CPEB3: variants seen among roughly 807,000 people sequenced by gnomAD.
CPEB3 encodes cytoplasmic polyadenylation element binding protein 3, also known as cytoplasmic polyadenylation element-binding protein 3.
CPEB3 carries 20 observed loss-of-function variants against 67.2 expected under a neutral mutation model. The observed-to-expected ratio is 0.30, with a 90% CI of 0.21 to 0.43. The LOEUF (loss-of-function observed/expected upper bound fraction) is 0.43. Ranked by LOEUF, CPEB3 falls within the 20% of genes least tolerant of loss-of-function variation. CPEB3 has a pLI of 1.00. For missense variants in CPEB3, 746 were observed against 968.6 expected, an observed-to-expected ratio of 0.77 and a Z score of 3.05; for synonymous variants, 376 against 393.1, an observed-to-expected ratio of 0.96 and a Z score of 0.51.
chr10:92,064,090 G>A (rs1590058933), intron 9 of CPEB3, among the ~76,000 whole-genome samples: 2 of 152,162 alleles, frequency 1.3e-5, no homozygotes, highest in East Asian at 3.9e-4. Flanking sequence ...CAAAGAATCA[G>A]GAATATGAAG....
At chr10:92,168,767 T>A (rs1006779125) in intron 4 of CPEB3, among the ~76,000 whole-genome samples, 2 of 151,484 alleles carry the variant, frequency 1.3e-5, no homozygotes, top group Non-Finnish European at 2.9e-5. Flanking sequence ...CATGCAGAGC[T>A]GTGAGTCAAT....
intron 1 of CPEB3, among the ~76,000 whole-genome samples, chr10:92,259,813 T>C (rs947648215): frequency 6.6e-6 from 1 of 152,176 alleles, no homozygotes; most frequent in Non-Finnish European, 1.5e-5. Context: ...AACGTTTATG[T>C]GGCAAATACT....
intron 8 of CPEB3, among the ~76,000 whole-genome samples, chr10:92,085,677 C>T (rs1477165917): frequency 6.6e-6 from 1 of 152,126 alleles, no homozygotes; most frequent in African/African-American, 2.4e-5. Context: ...GACACGATCT[C>T]GGCTCACTGC....
At chr10:92,223,544 T>TCCAGGTGA (rs1269763644) in intron 2 of CPEB3, among the ~76,000 whole-genome samples, 1 of 149,844 alleles carries the variant, frequency 6.7e-6, no homozygotes, top group East Asian at 2.0e-4. Context: ...ACCAAGTCCT[T>TCCAGGTGA]CCAGGTGAGC....
chr10:92,286,138 T>C (rs1345510544), intron 1 of CPEB3, among the ~76,000 whole-genome samples: 2 of 152,128 alleles, frequency 1.3e-5, no homozygotes, highest in South Asian at 2.1e-4. Context: ...GGTTTCACTG[T>C]GTTAGCCAGG....
chr10:92,266,059 T>C (rs1011562653), intron 1 of CPEB3, among the ~76,000 whole-genome samples: 1 of 152,288 alleles, frequency 6.6e-6, no homozygotes, highest in South Asian at 2.1e-4. Flanking sequence ...CGACATGTGA[T>C]GCCCTACACA....
At chr10:92,195,761 C>G (rs558712111) in intron 2 of CPEB3, among the ~76,000 whole-genome samples, 1 of 152,200 alleles carries the variant, frequency 6.6e-6, no homozygotes, top group South Asian at 2.1e-4. Context: ...TTGATAATCC[C>G]TCAAGGTAGA....
chr10:92,081,931 T>C (rs1843167896), intron 8 of CPEB3, among the ~76,000 whole-genome samples: 1 of 152,234 alleles, frequency 6.6e-6, no homozygotes, highest in African/African-American at 2.4e-5. Context: ...CACACTACTA[T>C]ATTAGGACTA....
At chr10:92,232,776 C>T (rs1233678436) in intron 2 of CPEB3, among the ~76,000 whole-genome samples, 1 of 148,340 alleles carries the variant, frequency 6.7e-6, no homozygotes, top group African/African-American at 2.5e-5. Flanking sequence ...AAAAAAAATA[C>T]ATCAAATTGG....
intron 2 of CPEB3, among the ~76,000 whole-genome samples, chr10:92,197,489 A>G (rs1194846430): frequency 2.6e-5 from 4 of 152,216 alleles, no homozygotes; most frequent in African/African-American, 9.6e-5. Flanking sequence ...ACCTTTTTTT[A>G]TAAGTTTTGT....
At chr10:92,153,662 T>G (rs1847070113) in intron 4 of CPEB3, among the ~76,000 whole-genome samples, 1 of 152,146 alleles carries the variant, frequency 6.6e-6, no homozygotes, top group Non-Finnish European at 1.5e-5. Flanking sequence ...GTGCCTGTAA[T>G]CCCAGCTACT....
chr10:92,231,369 T>C (rs1851260239), intron 2 of CPEB3, among the ~76,000 whole-genome samples: 1 of 152,222 alleles, frequency 6.6e-6, no homozygotes, highest in Non-Finnish European at 1.5e-5. Context: ...TTACAGAAGT[T>C]AGGCAAACAT....
intron 6 of CPEB3, among the ~76,000 whole-genome samples, chr10:92,125,113 C>T (rs1845553702): frequency 6.6e-6 from 1 of 152,226 alleles, no homozygotes; most frequent in African/African-American, 2.4e-5. Flanking sequence ...TATAGAATCA[C>T]CAGCAGAAAT....
chr10:92,210,944 G>C (rs1046595823), intron 2 of CPEB3, among the ~76,000 whole-genome samples: 1 of 152,224 alleles, frequency 6.6e-6, no homozygotes, highest in South Asian at 2.1e-4. Flanking sequence ...GCTGAGGCAG[G>C]AGAATCGCTT....
At position 92,061,373 on chromosome 10, in the gene CPEB3, C is replaced by G. The variant is rs375726979; in HGVS notation, c.1870-8934G>C. On this transcript the variant is annotated intron_variant, in intron 9 of 9. Transcript: ENST00000265997. ...GGTGGAGGTTGCAGTGAGCCAAGATCGCGCCACTGCACTCCAGCCTGGGTG... is the reference window on the plus strand; with the variant it reads ...GGTGGAGGTTGCAGTGAGCCAAGATGGCGCCACTGCACTCCAGCCTGGGTG... Among the ~76,000 whole-genome samples the G allele has an allele frequency of 2.7e-5, 4 of 146,536 alleles. No individual in the cohort carries two copies. The East Asian group carries it at 6.2e-4, about 23-fold the overall frequency.
At chr10:92,095,139 C>T (rs558009038) in intron 7 of CPEB3, among the ~76,000 whole-genome samples, 31 of 152,256 alleles carry the variant, frequency 2.0e-4, no homozygotes, top group African/African-American at 7.5e-4. Context: ...TCATTACTGC[C>T]TACTGCCTTT....
chr10:92,176,422 TAA>T (rs1357987003), intron 4 of CPEB3, among the ~76,000 whole-genome samples: 4 of 152,244 alleles, frequency 2.6e-5, no homozygotes, highest in Non-Finnish European at 4.4e-5. Context: ...ATATAGCTTG[TAA>T]AGAGGGAATG....
chr10:92,201,667 T>C (rs1225956684), intron 2 of CPEB3, among the ~76,000 whole-genome samples: 2 of 152,222 alleles, frequency 1.3e-5, no homozygotes, highest in African/African-American at 4.8e-5. Flanking sequence ...CAGCAGAATA[T>C]TATCTCAAGA....
intron 7 of CPEB3, among the ~76,000 whole-genome samples, chr10:92,098,488 T>C (rs1329566109): frequency 6.6e-6 from 1 of 152,028 alleles, no homozygotes; most frequent in Non-Finnish European, 1.5e-5. Flanking sequence ...TTTGTATTTT[T>C]AGTAGAGACG....
Sources: allele counts gnomAD v4.1 joint callset (sites outside exome capture counted in the v4.1 genomes callset), GRCh38; gene constraint gnomAD v4.1.1; transcripts MANE v1.5; gene names NCBI Gene and HGNC (gene_info 2026-07-23, HGNC 2026-07-21).